The following WASHC2A variants were observed in gnomAD, a reference collection of about 807,000 sequenced individuals.
WASHC2A encodes WASH complex subunit 2A, also known as WASH complex subunit FAM21A.
WASHC2A carries 82 observed loss-of-function variants against 140.3 expected under a neutral mutation model. That is an observed-to-expected ratio of 0.58 (90% CI 0.49 to 0.70). WASHC2A has a LOEUF of 0.70. Ranked by LOEUF, WASHC2A falls within the 30% of genes least tolerant of loss-of-function variation. WASHC2A has a pLI of 0.00. For missense variants in WASHC2A, 985 were observed against 1,521.8 expected, an observed-to-expected ratio of 0.65 and a Z score of 5.87; for synonymous variants, 340 against 560.8, an observed-to-expected ratio of 0.61 and a Z score of 5.56.
Position 50,126,114 on chromosome 10 carries a change from C to G in WASHC2A, c.2746C>G (p.Gln916Glu), listed in dbSNP as rs1156276197. The G allele has an allele frequency of 6.2e-7, 1 of 1,613,584 alleles. No homozygotes were observed. The highest frequency in any genetic ancestry group is 1.7e-4 in the Middle Eastern group (1 of 6,056). Residue 916 changes from glutamine to glutamate, a missense_variant, in exon 26 of 31, where the codon CAG becomes GAG. Gln to Glu is a conservative substitution (Grantham distance 29, BLOSUM62 2). Transcript: ENST00000282633. ...CCACTCTGTTGACTCTTTCAAAAACCAGAAACATCCTGAATCCATTCAAGG... is the reference window on the plus strand; with the variant it reads ...CCACTCTGTTGACTCTTTCAAAAACGAGAAACATCCTGAATCCATTCAAGG... ...KDHSVDSFKN[Q>E]KHPESIQGSK...
At position 50,126,087 on chromosome 10, in the gene WASHC2A, G is replaced by A. The variant is rs1290445245; in HGVS notation, c.2719G>A (p.Asp907Asn). The change falls in exon 26 of 31, where the codon GAC becomes AAC. Residue 907 changes from aspartate to asparagine, a missense_variant. By Grantham distance (23) the Asp-to-Asn change is conservative (BLOSUM62 1). Transcript: ENST00000282633. ...VQEKKRVVKK[D>N]HSVDSFKNQK... is the part of the protein sequence containing the mutation. The stretch of plus-strand genomic sequence containing the variant: ...AGAGAAAAAGAGAGTAGTGAAAAAA[G>A]ACCACTCTGTTGACTCTTTCAAAAA... 35 of 1,613,662 alleles carry A rather than the reference G, an allele frequency of 2.2e-5. No homozygotes were observed. The South Asian group carries it at 3.7e-4, about 17-fold the overall frequency.
intron 29 of WASHC2A, 58 bp from the exon 30 acceptor site, chr10:50,130,843 G>T: frequency 6.2e-7 from 1 of 1,607,850 alleles, no homozygotes; most frequent in Non-Finnish European, 8.5e-7. Context: ...TGTTGTGTTT[G>T]AGCTTAAAAA....
rs1316190224 is a variant in WASHC2A, at chr10:50,110,235, C to G, written c.2004C>G (p.Asp668Glu). ...AVKKTSLFEE[D>E]EEDDLFAIAK... Reference sequence around the variant, plus strand: ...AAAAGACCAGTCTCTTTGAGGAAGACGAAGAAGATGATCTTTTTGCCATTG... The same window carrying G: ...AAAAGACCAGTCTCTTTGAGGAAGAGGAAGAAGATGATCTTTTTGCCATTG... The change falls in exon 20 of 31, where the codon GAC (aspartate) becomes GAG (glutamate). Residue 668 changes from aspartate to glutamate, a missense_variant. Physicochemically the swap from Asp to Glu is conservative, Grantham distance 45 (BLOSUM62 2). Transcript: ENST00000282633. 6 of 1,611,828 alleles carry G rather than the reference C, an allele frequency of 3.7e-6. No homozygotes were observed. The Admixed American group carries it at 1.0e-4, about 27-fold the overall frequency.
chr10:50,120,271 A>G (rs1325374585), intron 23 of WASHC2A, among the ~76,000 whole-genome samples: 98 of 146,414 alleles, frequency 6.7e-4, no homozygotes, highest in Admixed American at 1.1e-3. Flanking sequence ...AAACAGCCCT[A>G]GGAAACATGA....
At position 50,090,884 on chromosome 10, in the gene WASHC2A, C is replaced by A; in HGVS notation, c.841C>A (p.Pro281Thr). Residue 281 changes from proline (P) to threonine (T), a missense_variant and splice_region_variant, in exon 9 of 31, where the codon CCT (proline) becomes ACT (threonine). Pro to Thr is a conservative substitution (Grantham distance 38). Transcript: ENST00000282633. ...TGAGGACATTGAAGAAAATACTAGACCTGTAAGGAAGGCTGTAGTTGCTAT... is the reference window on the plus strand; with the variant it reads ...TGAGGACATTGAAGAAAATACTAGAACTGTAAGGAAGGCTGTAGTTGCTAT... Reference protein sequence around the residue: ...DIEDIEENTRPKRSRPTSFAD... With the variant: ...DIEDIEENTRTKRSRPTSFAD... The A allele has an allele frequency of 6.2e-7, 1 of 1,611,006 alleles. No individual in the cohort carries two copies. The highest frequency in any genetic ancestry group is 1.1e-5 in the South Asian group (1 of 90,948).
At chr10:50,072,481 C>CTTTTTTTT (rs11440968) in intron 3 of WASHC2A, among the ~76,000 whole-genome samples, 30 of 90,630 alleles carry the variant, frequency 3.3e-4, no homozygotes, top group Middle Eastern at 0.012. Context: ...AGTGATCTGG[C>CTTTTTTTT]TTTTTTTTTT....
At chr10:50,102,070 T>C (rs1284349179) in intron 17 of WASHC2A, among the ~76,000 whole-genome samples, 2 of 152,218 alleles carry the variant, frequency 1.3e-5, no homozygotes, top group Non-Finnish European at 2.9e-5. Context: ...TCCAGGTTTA[T>C]GGGGAGAGGC....
chr10:50,112,241 T>C, intron 20 of WASHC2A: 15 of 965,574 alleles, frequency 1.6e-5, no homozygotes, highest in Non-Finnish European at 1.8e-5. Context: ...TTGTGGGTCC[T>C]GGTTCCAGCC....
chr10:50,076,683 A>T (rs1189709291), intron 3 of WASHC2A, among the ~76,000 whole-genome samples: 2 of 152,166 alleles, frequency 1.3e-5, no homozygotes, highest in African/African-American at 4.8e-5. Flanking sequence ...ATAATAAATA[A>T]ATAATCAGTT....
chr10:50,077,465 T>A (rs1442084650), intron 3 of WASHC2A, among the ~76,000 whole-genome samples: 1 of 152,086 alleles, frequency 6.6e-6, no homozygotes, highest in East Asian at 1.9e-4. Context: ...ATACATCTCT[T>A]TTACATGTGC....
At chr10:50,127,074 T>C in intron 26 of WASHC2A, 86 bp from the exon 27 acceptor site, 2 of 1,450,880 alleles carry the variant, frequency 1.4e-6, no homozygotes, top group Non-Finnish European at 1.9e-6. Flanking sequence ...ACAGTTTTGC[T>C]CCATCACAGA....
intron 29 of WASHC2A, 41 bp from the exon 30 acceptor site, chr10:50,130,860 T>G (rs1405402845): frequency 6.2e-7 from 1 of 1,607,294 alleles, no homozygotes; most frequent in Non-Finnish European, 8.5e-7. Flanking sequence ...AAAAGAAAAA[T>G]TGATTTAACA....
At chr10:50,087,921 T>G (rs1333314793) in intron 8 of WASHC2A, among the ~76,000 whole-genome samples, 2 of 151,354 alleles carry the variant, frequency 1.3e-5, no homozygotes, top group African/African-American at 4.8e-5. Flanking sequence ...GTTCAAATAA[T>G]TCTTCTGCCT....
intron 13 of WASHC2A, among the ~76,000 whole-genome samples, chr10:50,094,789 A>G (rs1240053155): frequency 6.6e-6 from 1 of 150,738 alleles, no homozygotes; most frequent in Non-Finnish European, 1.5e-5. Flanking sequence ...GTTCATTCTC[A>G]TCCAACTGGA....
At chr10:50,108,872 ACT>A (rs1367201220) in intron 19 of WASHC2A, among the ~76,000 whole-genome samples, 12 of 105,654 alleles carry the variant, frequency 1.1e-4, no homozygotes, top group East Asian at 7.4e-4. Flanking sequence ...ACAGAGCAAG[ACT>A]CTGTCTCGAA....
At chr10:50,098,332 C>T (rs1182506058) in intron 16 of WASHC2A, among the ~76,000 whole-genome samples, 2 of 151,988 alleles carry the variant, frequency 1.3e-5, no homozygotes, top group African/African-American at 2.4e-5. Flanking sequence ...GCAATTTCCT[C>T]TCTTGTCCCC....
rs1809318691 is a variant in WASHC2A, at chr10:50,106,375, G to T, written c.1779G>T (p.Leu593Phe). ...FGGTAAKKQTLCLQAQREEKA... is the reference protein window; with the variant it reads ...FGGTAAKKQTFCLQAQREEKA... ...GTACAGCTGCTAAGAAGCAGACATT[G>T]TGTCTACAAGCTCAGAGAGAAGAGA... The change falls in exon 19 of 31, where the codon TTG becomes TTT. Residue 593 changes from leucine to phenylalanine, a missense_variant. Leu to Phe is a conservative substitution (Grantham distance 22). Transcript: ENST00000282633. 10 of 1,611,844 alleles carry T rather than the reference G, an allele frequency of 6.2e-6. No homozygotes were observed. Among genetic ancestry groups the T allele is most frequent in the Non-Finnish European group, 8.5e-6 (10 of 1,179,874 alleles).
At position 50,091,553 on chromosome 10, in the gene WASHC2A, G is replaced by A. The variant is rs1268832825; in HGVS notation, c.931+35G>A. On this transcript the variant is annotated intron_variant, in intron 10 of 30. Transcript: ENST00000282633. ...AGCCGCGTTGATGGGGAGTAGGGGG[G>A]GAGTAGTGCAGGGCCCTCTGCTGGC... is the stretch of plus-strand genomic sequence containing the variant. 21 of 1,549,438 alleles carry A rather than the reference G, an allele frequency of 1.4e-5. No homozygotes were observed. In the African/African-American group the frequency reaches 2.6e-4, roughly 19 times the overall value.
intron 30 of WASHC2A, among the ~76,000 whole-genome samples, chr10:50,132,350 G>A (rs924928932): frequency 4.6e-4 from 70 of 152,344 alleles, no homozygotes; most frequent in African/African-American, 1.5e-3. Flanking sequence ...CAGTGACGGA[G>A]GCTTACAGTC....
Sources: gnomAD v4.1 joint callset for allele counts (sites outside exome capture counted in the v4.1 genomes callset) on GRCh38, gnomAD v4.1.1 for gene constraint, MANE v1.5 for transcripts, NCBI Gene and HGNC (gene_info 2026-07-23, HGNC 2026-07-21) for gene names.